Variants in CDH23 observed in about 807,000 individuals in gnomAD.
CDH23 encodes cadherin-23.
In CDH23, 189 loss-of-function variants were observed where a neutral mutation model predicts 317.1. The ratio of observed to expected loss-of-function variants is 0.60; its 90% CI spans 0.53 to 0.67. CDH23 has a LOEUF of 0.67. Ranked by LOEUF, CDH23 falls within the 30% of genes least tolerant of loss-of-function variation. The pLI is 0.00. For synonymous variants in CDH23, 1,839 were observed against 1,876.8 expected, an observed-to-expected ratio of 0.98 and a Z score of 0.52; for missense variants, 4,401 against 4,592.4, an observed-to-expected ratio of 0.96 and a Z score of 1.20.
chr10:71,662,700 G>A (rs919785809), intron 14 of CDH23, among the ~76,000 whole-genome samples: 15 of 152,066 alleles, frequency 9.9e-5, no homozygotes, highest in African/African-American at 2.2e-4. Context: ...ATCCCAACTC[G>A]ATAACTGGCC....
chr10:71,795,984 A>G, intron 48 of CDH23: 2 of 985,876 alleles, frequency 2.0e-6, no homozygotes, highest in Non-Finnish European at 2.4e-6. Context: ...TGCAGACTGA[A>G]TGCAGCCGCC....
At chr10:71,684,435 C>G (rs80180932) in intron 18 of CDH23, among the ~76,000 whole-genome samples, 4,407 of 152,108 alleles carry the variant, frequency 0.029, 91 homozygotes, top group South Asian at 0.078. Flanking sequence ...CCTGCTCCAC[C>G]CCCCCTGGAG....
chr10:71,734,430 G>A (rs534338222), intron 33 of CDH23, 89 bp downstream of exon 33: 9 of 1,491,086 alleles, frequency 6.0e-6, no homozygotes, highest in Non-Finnish European at 7.3e-6. Flanking sequence ...GCCACCCAAT[G>A]TATGGGCCAG....
intron 6 of CDH23, among the ~76,000 whole-genome samples, chr10:71,543,604 A>G (rs1462756687): frequency 6.6e-6 from 1 of 152,222 alleles, no homozygotes; most frequent in Non-Finnish European, 1.5e-5. Context: ...TCCATCAGCA[A>G]TCTGAATTTT....
intron 19 of CDH23, among the ~76,000 whole-genome samples, chr10:71,689,416 C>T (rs186208415): frequency 9.9e-5 from 15 of 152,206 alleles, no homozygotes; most frequent in African/African-American, 2.7e-4. Context: ...AGCACTACAC[C>T]CCCATCCCTG....
intron 38 of CDH23, chr10:71,761,900 T>C (rs368317783): frequency 4.6e-5 from 74 of 1,613,974 alleles, no homozygotes; most frequent in Non-Finnish European, 6.0e-5. Context: ...GTACCACGTC[T>C]TGTAGAAGGT....
chr10:71,484,316 C>A (rs777430703), intron 3 of CDH23, among the ~76,000 whole-genome samples: 1 of 152,208 alleles, frequency 6.6e-6, no homozygotes, highest in Non-Finnish European at 1.5e-5. Flanking sequence ...TTGCAAGACA[C>A]CTGCCAAGTA....
At chr10:71,457,858 G>T (rs1850772721) in intron 3 of CDH23, among the ~76,000 whole-genome samples, 1 of 152,240 alleles carries the variant, frequency 6.6e-6, no homozygotes, top group Non-Finnish European at 1.5e-5. Flanking sequence ...GCTTGCTCCT[G>T]GGTCCACAGC....
Position 71,705,133 on chromosome 10 carries a change from GA to G in CDH23, c.2953+4del. On this transcript the variant is annotated splice_donor_region_variant and intron_variant, in intron 25 of 69. Transcript: ENST00000224721. The stretch of plus-strand genomic sequence containing the variant: ...CACCAGCACGCTCACCATCCATGGT[GA>G]GGGGGCGCAGGGGCTTCTGCTGTGT... The G allele has an allele frequency of 6.2e-7, 1 of 1,607,956 alleles. No individual in the cohort carries two copies. Among genetic ancestry groups the G allele is most frequent in the Non-Finnish European group, 8.5e-7 (1 of 1,177,262 alleles).
chr10:71,707,184 C>T (rs776211156), intron 26 of CDH23, 135 bp downstream of exon 26: 1 of 1,525,838 alleles, frequency 6.6e-7, no homozygotes, highest in Non-Finnish European at 8.8e-7. Flanking sequence ...GGGCTTTAGC[C>T]TCTGGTGGTG....
chr10:71,482,207 G>T (rs919654404), intron 3 of CDH23, among the ~76,000 whole-genome samples: 3 of 151,294 alleles, frequency 2.0e-5, no homozygotes, highest in African/African-American at 7.3e-5. Context: ...TTTCTTCCTT[G>T]CTCCCTTCGT....
At chr10:71,767,286 T>C (rs1457646774) in intron 38 of CDH23, among the ~76,000 whole-genome samples, 4 of 152,184 alleles carry the variant, frequency 2.6e-5, no homozygotes, top group African/African-American at 4.8e-5. Context: ...GTATTTTTCA[T>C]GACAGGGCGT....
At position 71,511,194 on chromosome 10, in the gene CDH23, C is replaced by T; in HGVS notation, c.411C>T (p.Tyr137=). 1.2e-6 allele frequency: 2 copies of T among 1,613,598 alleles called. No individual in the cohort carries two copies. Among genetic ancestry groups the T allele is most frequent in the Non-Finnish European group, 1.7e-6 (2 of 1,179,594 alleles). Residue 137 remains tyrosine, a synonymous_variant, in exon 6 of 70, where the codon TAC becomes TAT. Coordinates refer to ENST00000224721, the MANE Select transcript of CDH23 (RefSeq NM_022124.6). ...CGCCCACATTTCACAATCAGCCCTA[C>T]AGCGTCCGCATCCCTGAGGTAGGAG... ...DNAPTFHNQP[Y]SVRIPENTPV...
At chr10:71,594,381 CTCTT>C (rs1388017961) in intron 9 of CDH23, among the ~76,000 whole-genome samples, 2 of 151,698 alleles carry the variant, frequency 1.3e-5, no homozygotes, top group Non-Finnish European at 2.9e-5. Flanking sequence ...CTCTCTGTCT[CTCTT>C]TCTTTTTGAC....
chr10:71,614,094 A>G (rs902558679), intron 9 of CDH23, among the ~76,000 whole-genome samples: 2 of 152,260 alleles, frequency 1.3e-5, no homozygotes, highest in African/African-American at 4.8e-5. Flanking sequence ...TCAGTGGTCC[A>G]GGGAATTAAT....
At position 71,811,102 on chromosome 10, in the gene CDH23, A is replaced by G. The variant is rs79701384; in HGVS notation, c.9078-213A>G. Among the ~76,000 whole-genome samples the G allele has an allele frequency of 5.0e-4, 76 of 150,902 alleles. 1 individual carries two copies. The East Asian group carries it at 0.015, about 29-fold the overall frequency. On this transcript the variant is annotated intron_variant, in intron 62 of 69. Coordinates refer to ENST00000224721, the MANE Select transcript of CDH23 (RefSeq NM_022124.6). ...ATCTCAAAAAAAAAAAAAAAAAAAA[A>G]AGGGAGTATTCCATCCACTGTAAGG... is the stretch of plus-strand genomic sequence containing the variant.
intron 3 of CDH23, among the ~76,000 whole-genome samples, chr10:71,509,023 C>CT (rs1439583484): frequency 6.6e-6 from 1 of 152,180 alleles, no homozygotes; most frequent in Non-Finnish European, 1.5e-5. Context: ...ATGCCCTGCA[C>CT]TTCTTAGGGA....
rs1234770402 is a variant in CDH23, at chr10:71,452,367, G to A, written c.145+5972G>A. On this transcript the variant is annotated intron_variant, in intron 3 of 69. Coordinates refer to ENST00000224721, the MANE Select transcript of CDH23 (RefSeq NM_022124.6). ...GCCCGCAGCCAGAAGCCTCCCGAGT[G>A]CCTGCAGGAAGAAGTAGAGCTCTGT... Among the ~76,000 whole-genome samples, 4 of 152,310 alleles carry A rather than the reference G, an allele frequency of 2.6e-5. No homozygotes were observed. In the East Asian group the frequency reaches 5.8e-4, roughly 22 times the overall value.
chr10:71,756,034 TG>T (rs977459564), intron 38 of CDH23, among the ~76,000 whole-genome samples: 1 of 152,202 alleles, frequency 6.6e-6, no homozygotes, highest in African/African-American at 2.4e-5. Flanking sequence ...AGCTCTGGGA[TG>T]GGGCCTCTAG....
Sources: allele counts gnomAD v4.1 joint callset (sites outside exome capture counted in the v4.1 genomes callset), GRCh38; gene constraint gnomAD v4.1.1; transcripts MANE v1.5; gene names NCBI Gene and HGNC (gene_info 2026-07-23, HGNC 2026-07-21).